CATSPERT: variants seen among roughly 807,000 people sequenced by gnomAD.
CATSPERT encodes cation channel sperm-associated targeting subunit tau.
At chr2:201,605,105 CACACACATAT>C in the CATSPERT span, among the ~76,000 whole-genome samples, 6 of 151,592 alleles carry the variant, frequency 4.0e-5, no homozygotes, top group South Asian at 2.1e-4. Context: ...TGCACACATG[CACACACATAT>C]ACACACATAT....
At chr2:201,525,483 A>C in the CATSPERT span, among the ~76,000 whole-genome samples, 1 of 152,192 alleles carries the variant, frequency 6.6e-6, no homozygotes, top group South Asian at 2.1e-4. Flanking sequence ...TATAGCACTA[A>C]ATGCCCACAT....
the CATSPERT span, among the ~76,000 whole-genome samples, chr2:201,610,157 T>C: frequency 6.6e-6 from 1 of 151,488 alleles, no homozygotes; most frequent in Admixed American, 6.6e-5. Context: ...ATTGAAGCAG[T>C]AATAAGATGT....
the CATSPERT span, among the ~76,000 whole-genome samples, chr2:201,530,961 G>GATTTTTT: frequency 9.4e-6 from 1 of 106,042 alleles, no homozygotes; most frequent in Non-Finnish European, 1.9e-5. Flanking sequence ...TTTTTTGTGG[G>GATTTTTT]TTTTTTTTTT....
the CATSPERT span, among the ~76,000 whole-genome samples, chr2:201,587,475 C>T: frequency 2.6e-5 from 4 of 152,042 alleles, no homozygotes; most frequent in Admixed American, 6.6e-5. Flanking sequence ...TGAATTTCCC[C>T]GCCTCCCAGC....
At chr2:201,614,137 A>G in the CATSPERT span, among the ~76,000 whole-genome samples, 1 of 152,366 alleles carries the variant, frequency 6.6e-6, no homozygotes, top group African/African-American at 2.4e-5. Context: ...AACACTCTTC[A>G]GGATATTATC....
At chr2:201,579,859 T>C in the CATSPERT span, among the ~76,000 whole-genome samples, 3 of 151,242 alleles carry the variant, frequency 2.0e-5, no homozygotes, top group South Asian at 2.1e-4. Context: ...TTTTCTTTTT[T>C]TTTTTTTTTT....
the CATSPERT span, among the ~76,000 whole-genome samples, chr2:201,528,739 G>C: frequency 1.3e-5 from 2 of 151,974 alleles, no homozygotes; most frequent in African/African-American, 2.4e-5. Flanking sequence ...GAAGGGAACA[G>C]ATACCAGGGC....
the CATSPERT span, among the ~76,000 whole-genome samples, chr2:201,527,137 C>A: frequency 1.4e-4 from 18 of 130,768 alleles, 1 homozygote; most frequent in South Asian, 5.1e-3. Context: ...AGAGCCAAAT[C>A]AAGAACACAA....
chr2:201,493,449 A>T, the CATSPERT span: 1 of 1,537,174 alleles, frequency 6.5e-7, no homozygotes, highest in East Asian at 2.4e-5. Context: ...CTTTAGGAGA[A>T]GTGATCCCCG....
At chr2:201,535,060 T>C in the CATSPERT span, 8 of 844,294 alleles carry the variant, frequency 9.5e-6, no homozygotes, top group Non-Finnish European at 1.1e-5. Context: ...TACATTTCTC[T>C]CCATTTTCTA....
the CATSPERT span, chr2:201,618,866 C>T: frequency 6.2e-7 from 1 of 1,605,782 alleles, no homozygotes; most frequent in East Asian, 2.2e-5. Context: ...TGGCCCCGGT[C>T]CTCCAGGTGC....
the CATSPERT span, among the ~76,000 whole-genome samples, chr2:201,602,933 C>T: frequency 6.6e-6 from 1 of 151,900 alleles, no homozygotes; most frequent in Non-Finnish European, 1.5e-5. Flanking sequence ...GAGAGAGATC[C>T]AACCATTTCA....
At chr2:201,571,981 T>A in the CATSPERT span, 1 of 1,613,458 alleles carries the variant, frequency 6.2e-7, no homozygotes, top group Non-Finnish European at 8.5e-7. Flanking sequence ...GCAAGATTCA[T>A]AAACATGGAT....
chr2:201,495,940 T>C, the CATSPERT span: 1 of 1,598,694 alleles, frequency 6.3e-7, no homozygotes, highest in South Asian at 1.1e-5. Flanking sequence ...TGAAAGATGG[T>C]GAATTATATT....
chr2:201,585,740 T>C, the CATSPERT span, among the ~76,000 whole-genome samples: 5 of 152,148 alleles, frequency 3.3e-5, no homozygotes. Context: ...TTGTTAAACA[T>C]TGGATTTGAT....
the CATSPERT span, among the ~76,000 whole-genome samples, chr2:201,585,091 C>G: frequency 6.6e-6 from 1 of 151,936 alleles, no homozygotes; most frequent in Non-Finnish European, 1.5e-5. Flanking sequence ...AAATTTCATT[C>G]AAAAATGAGA....
the CATSPERT span, among the ~76,000 whole-genome samples, chr2:201,513,838 T>G: frequency 6.6e-6 from 1 of 152,238 alleles, no homozygotes; most frequent in South Asian, 2.1e-4. Flanking sequence ...ACAGTTTCAG[T>G]TTTAAAGGAT....
the CATSPERT span, chr2:201,618,763 G>T: frequency 2.1e-6 from 1 of 475,090 alleles, no homozygotes; most frequent in Non-Finnish European, 3.5e-6. Flanking sequence ...AAAAAAAAAA[G>T]GATTAAAGGG....
the CATSPERT span, among the ~76,000 whole-genome samples, chr2:201,584,662 A>C: frequency 0.47 from 71,199 of 151,610 alleles, 17,160 homozygotes; most frequent in Non-Finnish European, 0.52. Flanking sequence ...GCACGCCTGT[A>C]ATCCCAGCTA....
Sources: allele counts gnomAD v4.1 joint callset (sites outside exome capture counted in the v4.1 genomes callset), GRCh38; gene constraint gnomAD v4.1.1; transcripts MANE v1.5; gene names NCBI Gene and HGNC (gene_info 2026-07-23, HGNC 2026-07-21).